Variants in NHSL1 observed in about 807,000 individuals in gnomAD.
NHSL1 encodes the protein NHS like 1.
Under a neutral mutation model 95.0 loss-of-function variants are expected in NHSL1, and 48 were observed. The ratio of observed to expected loss-of-function variants is 0.51; its 90% CI spans 0.40 to 0.64. The LOEUF (loss-of-function observed/expected upper bound fraction) is 0.64. NHSL1 is among the 30% of genes least tolerant of loss of function. The pLI is 0.00. For missense variants in NHSL1, 1,971 were observed against 2,077.7 expected, an observed-to-expected ratio of 0.95 and a Z score of 1.00; for synonymous variants, 783 against 833.9, an observed-to-expected ratio of 0.94 and a Z score of 1.05.
At chr6:138,652,028 G>A (rs958227666) in intron 1 of NHSL1, among the ~76,000 whole-genome samples, 1 of 152,088 alleles carries the variant, frequency 6.6e-6, no homozygotes, top group Non-Finnish European at 1.5e-5. Context: ...ATAATTTTAT[G>A]TTCTGGTTGA....
At chr6:138,573,080 G>T (rs930567762), upstream of NHSL1, among the ~76,000 whole-genome samples, 3 of 152,114 alleles carry the variant, frequency 2.0e-5, no homozygotes, top group Non-Finnish European at 2.9e-5. Context: ...CTCCTCTGCC[G>T]TATCACTGGG....
chr6:138,671,634 T>C (rs1323185924), intron 1 of NHSL1, among the ~76,000 whole-genome samples: 1 of 151,982 alleles, frequency 6.6e-6, no homozygotes, highest in Non-Finnish European at 1.5e-5. Flanking sequence ...TTAAATCAGA[T>C]TGGAAGGCTC....
At chr6:138,531,706 G>T (rs897609091) in intron 1 of NHSL1, among the ~76,000 whole-genome samples, 2 of 151,934 alleles carry the variant, frequency 1.3e-5, no homozygotes, top group Admixed American at 1.3e-4. Context: ...TAGGGGCAGG[G>T]TTTTGCCATG....
At chr6:138,635,191 G>A (rs906562386) in intron 1 of NHSL1, among the ~76,000 whole-genome samples, 23 of 151,730 alleles carry the variant, frequency 1.5e-4, no homozygotes, top group African/African-American at 5.3e-4. Context: ...GATCAGAGCA[G>A]AAATAAAATT....
At position 138,650,408 on chromosome 6, in the gene NHSL1, G is replaced by C. The variant is rs926225703; in HGVS notation, c.96+42068C>G. Reference sequence around the variant, plus strand: ...CCATGAGGTCGCCGACTAGCAGGAAGGGGTAGGTCAGCATGCTCACTGCAA... The same window carrying C: ...CCATGAGGTCGCCGACTAGCAGGAACGGGTAGGTCAGCATGCTCACTGCAA... On this transcript the variant is annotated intron_variant, in intron 1 of 3. Coordinates refer to the NHSL1 transcript ENST00000491526. 27 of 1,430,602 alleles carry C rather than the reference G, an allele frequency of 1.9e-5. No individual in the cohort carries two copies. In the African/African-American group the frequency reaches 3.6e-4, roughly 19 times the overall value. The allele number at this position is 1,430,602 out of a possible 1,614,324, so 88.6% of individuals were successfully genotyped here.
intron 3 of NHSL1, among the ~76,000 whole-genome samples, chr6:138,466,241 C>T (rs954255269): frequency 5.3e-5 from 8 of 151,756 alleles, no homozygotes; most frequent in Non-Finnish European, 1.0e-4. Context: ...CAGGGTTTCA[C>T]CATGTTAGCC....
chr6:138,521,486 C>A (rs564208518), intron 1 of NHSL1, among the ~76,000 whole-genome samples: 5 of 151,932 alleles, frequency 3.3e-5, no homozygotes, highest in Non-Finnish European at 5.9e-5. Flanking sequence ...AAACAGCTAC[C>A]CCCTGCCTCA....
chr6:138,456,867 T>C (rs1777645191), intron 3 of NHSL1, among the ~76,000 whole-genome samples: 1 of 151,728 alleles, frequency 6.6e-6, no homozygotes, highest in Non-Finnish European at 1.5e-5. Context: ...AGGTATTTTC[T>C]GGAATTTCTT....
intron 2 of NHSL1, among the ~76,000 whole-genome samples, chr6:138,495,312 C>A (rs1780286548): frequency 6.6e-6 from 1 of 152,174 alleles, no homozygotes; most frequent in South Asian, 2.1e-4. Flanking sequence ...GGAATACATT[C>A]TTCCTATATT....
intron 1 of NHSL1, among the ~76,000 whole-genome samples, chr6:138,644,446 C>T (rs1023426812): frequency 4.0e-5 from 6 of 151,684 alleles, no homozygotes; most frequent in East Asian, 3.9e-4. Flanking sequence ...GAGGTTGCAG[C>T]GAGCCGAGAC....
At chr6:138,647,320 T>C (rs1359605439) in intron 1 of NHSL1, among the ~76,000 whole-genome samples, 1 of 152,214 alleles carries the variant, frequency 6.6e-6, no homozygotes, top group African/African-American at 2.4e-5. Context: ...GTTCAAAATT[T>C]TAAATCGTGA....
intron 2 of NHSL1, among the ~76,000 whole-genome samples, chr6:138,481,514 AG>A (rs1779415974): frequency 6.6e-6 from 1 of 152,230 alleles, no homozygotes; most frequent in Non-Finnish European, 1.5e-5. Flanking sequence ...AAAAGACAAT[AG>A]ATGTTCAAAC....
chr6:138,586,586 A>G lies in NHSL1; in HGVS notation c.97-90215T>C, dbSNP rs150398488. On this transcript the variant is annotated intron_variant, in intron 1 of 3. Coordinates refer to the NHSL1 transcript ENST00000491526. Reference sequence around the variant, plus strand: ...ACACCCTTTACAAAATAAGATTACAATGAGGTCTGAGGAAAGATTAAAATC... The same window carrying G: ...ACACCCTTTACAAAATAAGATTACAGTGAGGTCTGAGGAAAGATTAAAATC... Among the ~76,000 whole-genome samples, 35 of 152,330 alleles carry G rather than the reference A, an allele frequency of 2.3e-4. No homozygotes were observed. The East Asian group carries it at 6.6e-3, about 29-fold the overall frequency.
chr6:138,522,809 G>GA lies in NHSL1; in HGVS notation c.16+22813dup, dbSNP rs760369055. Among the ~76,000 whole-genome samples, 213 of 146,632 alleles carry GA rather than the reference G, an allele frequency of 1.5e-3. 3 individuals carry two copies. The highest frequency in any genetic ancestry group is 5.2e-3 in the South Asian group (24 of 4,652). On this transcript the variant is annotated intron_variant, in intron 1 of 4. Transcript: ENST00000342260. ...CTGCTGACAGAGCAAGATCCTGTCT[G>GA]AAAAAAAAAAAGTTTACTTTCTCTT...
chr6:138,594,830 G>C (rs1459818426), intron 1 of NHSL1, among the ~76,000 whole-genome samples: 1 of 152,132 alleles, frequency 6.6e-6, no homozygotes, highest in Non-Finnish European at 1.5e-5. Flanking sequence ...TTTTCACAAA[G>C]AAAGAAAAAT....
chr6:138,535,791 G>T (rs1402147003), intron 1 of NHSL1, among the ~76,000 whole-genome samples: 1 of 152,140 alleles, frequency 6.6e-6, no homozygotes, highest in Non-Finnish European at 1.5e-5. Context: ...CCAAATACCA[G>T]ACTGCCTTAC....
At chr6:138,521,844 A>G (rs1398711736) in intron 1 of NHSL1, among the ~76,000 whole-genome samples, 1 of 152,154 alleles carries the variant, frequency 6.6e-6, no homozygotes, top group Non-Finnish European at 1.5e-5. Context: ...AAACTTTAAA[A>G]TTAGCCTATA....
chr6:138,634,971 T>C (rs565801608), intron 1 of NHSL1, among the ~76,000 whole-genome samples: 2 of 151,178 alleles, frequency 1.3e-5, no homozygotes, highest in Admixed American at 6.6e-5. Flanking sequence ...AAGAATGAAA[T>C]TGAAGGATTT....
chr6:138,595,327 A>T (rs1291504865), intron 1 of NHSL1, among the ~76,000 whole-genome samples: 1 of 152,224 alleles, frequency 6.6e-6, no homozygotes, highest in Non-Finnish European at 1.5e-5. Context: ...TAATCCTAGC[A>T]CTTTGGGAGG....
Sources: gnomAD v4.1 joint callset for allele counts (sites outside exome capture counted in the v4.1 genomes callset) on GRCh38, gnomAD v4.1.1 for gene constraint, MANE v1.5 for transcripts, NCBI Gene and HGNC (gene_info 2026-07-23, HGNC 2026-07-21) for gene names.